Variants in SLC26A7 observed in about 807,000 individuals in gnomAD.
The protein encoded by SLC26A7 is anion exchange transporter.
Under a neutral mutation model 82.5 loss-of-function variants are expected in SLC26A7, and 59 were observed. That is an observed-to-expected ratio of 0.72 (90% CI 0.58 to 0.89). The LOEUF is 0.89. Ranked by LOEUF, SLC26A7 falls within the 40% of genes least tolerant of loss-of-function variation. SLC26A7 has a pLI of 0.00. For missense variants in SLC26A7, 820 were observed against 793.0 expected (o/e 1.03, Z -0.41); for synonymous variants, 271 against 274.3 (o/e 0.99, Z 0.12).
At chr8:91,370,970 C>G (rs1160278486) in intron 15 of SLC26A7, among the ~76,000 whole-genome samples, 1 of 151,612 alleles carries the variant, frequency 6.6e-6, no homozygotes, top group Non-Finnish European at 1.5e-5. Flanking sequence ...AGTTGTATTA[C>G]TTTTTATTTT....
chr8:91,270,599 A>G (rs1325282995), intron 2 of SLC26A7, among the ~76,000 whole-genome samples: 2 of 152,100 alleles, frequency 1.3e-5, no homozygotes, highest in Non-Finnish European at 2.9e-5. Flanking sequence ...GCTCTCAATG[A>G]ACACATACTC....
chr8:91,337,509 G>T (rs1261734532), intron 6 of SLC26A7, among the ~76,000 whole-genome samples: 1 of 152,078 alleles, frequency 6.6e-6, no homozygotes. Context: ...ATGATTATGG[G>T]TATAGGCAGG....
chr8:91,325,066 C>G (rs1812897205), intron 5 of SLC26A7, among the ~76,000 whole-genome samples: 1 of 152,132 alleles, frequency 6.6e-6, no homozygotes, highest in Non-Finnish European at 1.5e-5. Flanking sequence ...CCAGACCCTA[C>G]TCTTGTTTTA....
intron 2 of SLC26A7, among the ~76,000 whole-genome samples, chr8:91,240,260 T>C (rs1810455724): frequency 6.6e-6 from 1 of 152,196 alleles, no homozygotes; most frequent in African/African-American, 2.4e-5. Flanking sequence ...GTTTATCTAT[T>C]CTAGTATATG....
chr8:91,340,291 A>T, intron 7 of SLC26A7, 113 bp from the exon 8 acceptor site: 1 of 1,325,456 alleles, frequency 7.5e-7, no homozygotes, highest in Non-Finnish European at 1.0e-6. Context: ...TCTCATGGGT[A>T]TTTCACTTAG....
rs760805543 is a variant in SLC26A7, at chr8:91,334,330, G to A, written c.678G>A (p.Val226=). The change falls in exon 6 of 19, where the codon GTG becomes GTA. Residue 226 remains valine, a synonymous_variant. Transcript: ENST00000276609. ...ATGTTTTTGAAAACATCAAGTCTGT[G>A]CGACTGGAAGCATTGCTTTTATCCT... The part of the protein sequence containing the change: ...YAYVFENIKS[V]RLEALLLSLL... The A allele has an allele frequency of 3.1e-6, 5 of 1,612,894 alleles. No homozygotes were observed. The highest frequency in any genetic ancestry group is 3.4e-6 in the Non-Finnish European group (4 of 1,179,310).
intron 4 of SLC26A7, among the ~76,000 whole-genome samples, chr8:91,313,485 C>T (rs1223760778): frequency 6.6e-6 from 1 of 152,128 alleles, no homozygotes; most frequent in Non-Finnish European, 1.5e-5. Flanking sequence ...CTCTGAACAG[C>T]ACTAAATTGT....
At chr8:91,290,534 G>A (rs977769975) in intron 3 of SLC26A7, among the ~76,000 whole-genome samples, 11 of 152,040 alleles carry the variant, frequency 7.2e-5, no homozygotes, top group African/African-American at 1.9e-4. Flanking sequence ...ATGCAGTATC[G>A]CATCTTCAAA....
chr8:91,323,639 G>T (rs1812853945), intron 5 of SLC26A7, among the ~76,000 whole-genome samples: 1 of 152,048 alleles, frequency 6.6e-6, no homozygotes, highest in Non-Finnish European at 1.5e-5. Flanking sequence ...TGAAGTAATA[G>T]CAAATGGATT....
chr8:91,359,249 T>C (rs1281620177), intron 11 of SLC26A7, among the ~76,000 whole-genome samples: 2 of 152,200 alleles, frequency 1.3e-5, no homozygotes, highest in Non-Finnish European at 2.9e-5. Flanking sequence ...TTAAGATTTT[T>C]TTCTTAACAA....
At chr8:91,308,317 ATT>A (rs1478249175) in intron 4 of SLC26A7, among the ~76,000 whole-genome samples, 2 of 151,786 alleles carry the variant, frequency 1.3e-5, no homozygotes, top group East Asian at 1.9e-4. Flanking sequence ...ATAACATAAA[ATT>A]TACCATCTTA....
intron 4 of SLC26A7, among the ~76,000 whole-genome samples, chr8:91,306,672 T>A (rs1366688037): frequency 3.9e-5 from 6 of 152,234 alleles, no homozygotes; most frequent in Non-Finnish European, 5.9e-5. Flanking sequence ...GATTGATATT[T>A]TGTTATTAAC....
At chr8:91,338,324 A>C (rs1260829264) in intron 7 of SLC26A7, 92 bp downstream of exon 7, 3 of 736,608 alleles carry the variant, frequency 4.1e-6, no homozygotes, top group Non-Finnish European at 6.3e-6. Flanking sequence ...TGGATATTTC[A>C]TTTCTTAATT....
intron 2 of SLC26A7, among the ~76,000 whole-genome samples, chr8:91,281,556 T>G (rs1811573720): frequency 6.6e-6 from 1 of 152,190 alleles, no homozygotes; most frequent in Admixed American, 6.5e-5. Flanking sequence ...AATACAAAAG[T>G]CTGCCTGTAT....
At chr8:91,244,970 C>T (rs1267237410), upstream of SLC26A7, among the ~76,000 whole-genome samples, 2 of 152,144 alleles carry the variant, frequency 1.3e-5, no homozygotes, top group Non-Finnish European at 2.9e-5. Context: ...CAAAGTAAGA[C>T]ATGTTGGCAA....
At chr8:91,328,403 T>G (rs1489033236) in intron 5 of SLC26A7, among the ~76,000 whole-genome samples, 1 of 152,158 alleles carries the variant, frequency 6.6e-6, no homozygotes, top group African/African-American at 2.4e-5. Context: ...AGCTTTAATA[T>G]TTGGCTCAAT....
chr8:91,340,015 G>T (rs2130839883), intron 7 of SLC26A7, among the ~76,000 whole-genome samples: 1 of 152,268 alleles, frequency 6.6e-6, no homozygotes, highest in South Asian at 2.1e-4. Context: ...ATACAGCACT[G>T]TAGTATTCAA....
At chr8:91,342,828 C>T (rs1813457096) in intron 8 of SLC26A7, among the ~76,000 whole-genome samples, 2 of 152,100 alleles carry the variant, frequency 1.3e-5, no homozygotes, top group Admixed American at 1.3e-4. Context: ...AAGCAGTCCT[C>T]CAATATTTGC....
chr8:91,216,294 C>T (rs1296890294), intron 1 of SLC26A7, among the ~76,000 whole-genome samples: 1 of 152,096 alleles, frequency 6.6e-6, no homozygotes, highest in Non-Finnish European at 1.5e-5. Flanking sequence ...TAAGAGCCAA[C>T]CTAAACTCTG....
Sources: gnomAD v4.1 joint callset for allele counts (sites outside exome capture counted in the v4.1 genomes callset) on GRCh38, gnomAD v4.1.1 for gene constraint, MANE v1.5 for transcripts, NCBI Gene and HGNC (gene_info 2026-07-23, HGNC 2026-07-21) for gene names.